SLC24A2: variants seen among roughly 807,000 people sequenced by gnomAD.
The protein encoded by SLC24A2 is solute carrier family 24 member 2, also known as sodium/potassium/calcium exchanger 2.
A neutral mutation model predicts 62.0 loss-of-function variants in SLC24A2; 36 were observed. That is an observed-to-expected ratio of 0.58 (90% CI 0.44 to 0.77). The LOEUF (loss-of-function observed/expected upper bound fraction) is 0.77. Ranked by LOEUF, SLC24A2 falls within the 30% of genes least tolerant of loss-of-function variation. The probability of loss-of-function intolerance (pLI) is 0.00; values close to 1 mark genes in which losing one functional copy is unlikely to be tolerated. For synonymous variants in SLC24A2, 358 were observed against 294.0 expected (o/e 1.22, Z -2.23); for missense variants, 846 against 817.9 (o/e 1.03, Z -0.42).
At chr9:20,003,212 G>A in the SLC24A2 span, among the ~76,000 whole-genome samples, 3 of 152,106 alleles carry the variant, frequency 2.0e-5, no homozygotes, top group East Asian at 1.9e-4. Context: ...ACTTGAACAC[G>A]TAACACACTT....
At chr9:20,212,855 A>G in the SLC24A2 span, among the ~76,000 whole-genome samples, 2 of 151,930 alleles carry the variant, frequency 1.3e-5, no homozygotes, top group Admixed American at 6.5e-5. Flanking sequence ...CAAAAAACAG[A>G]AATTTTATCA....
At chr9:19,748,473 T>G (rs774370826) in intron 2 of SLC24A2, among the ~76,000 whole-genome samples, 1 of 152,142 alleles carries the variant, frequency 6.6e-6, no homozygotes, top group Non-Finnish European at 1.5e-5. Flanking sequence ...TGAGTCACCA[T>G]TGTGAGCACG....
the SLC24A2 span, among the ~76,000 whole-genome samples, chr9:20,061,960 G>C: frequency 6.6e-6 from 1 of 152,196 alleles, no homozygotes; most frequent in African/African-American, 2.4e-5. Context: ...TCTAGCCTGA[G>C]CATGCTGGCT....
chr9:19,860,872 G>C, the SLC24A2 span, among the ~76,000 whole-genome samples: 1 of 152,200 alleles, frequency 6.6e-6, no homozygotes. Flanking sequence ...GGAAAGGGGA[G>C]AGAAGAGTGG....
the SLC24A2 span, among the ~76,000 whole-genome samples, chr9:20,201,036 T>G: frequency 6.6e-6 from 1 of 152,208 alleles, no homozygotes; most frequent in Admixed American, 6.5e-5. Context: ...GAGTCCAGTT[T>G]GCATCTCCCA....
At chr9:20,065,227 TC>T in the SLC24A2 span, among the ~76,000 whole-genome samples, 1 of 152,198 alleles carries the variant, frequency 6.6e-6, no homozygotes, top group Admixed American at 6.5e-5. Flanking sequence ...TGGCCCCACT[TC>T]CTCTCTGCGT....
At chr9:19,554,542 A>G (rs1295175209) in intron 7 of SLC24A2, among the ~76,000 whole-genome samples, 1 of 152,210 alleles carries the variant, frequency 6.6e-6, no homozygotes, top group African/African-American at 2.4e-5. Context: ...TTATGCTTTA[A>G]CAAATGGAAA....
chr9:19,691,602 G>A (rs149802641), intron 2 of SLC24A2, among the ~76,000 whole-genome samples: 115 of 152,092 alleles, frequency 7.6e-4, no homozygotes, highest in African/African-American at 1.3e-3. Context: ...TCACTTCCTC[G>A]TTGCTTCTAA....
the SLC24A2 span, among the ~76,000 whole-genome samples, chr9:20,040,532 A>AC: frequency 6.6e-6 from 1 of 152,072 alleles, no homozygotes; most frequent in Admixed American, 6.6e-5. Context: ...TTTCTTTTCA[A>AC]CCCCCACCAA....
chr9:20,279,751 A>G, the SLC24A2 span, among the ~76,000 whole-genome samples: 1 of 152,182 alleles, frequency 6.6e-6, no homozygotes, highest in Admixed American at 6.5e-5. Context: ...AAGGGGTAGA[A>G]AAATTTTTCC....
intron 8 of SLC24A2, among the ~76,000 whole-genome samples, chr9:19,529,742 G>C (rs1043422272): frequency 3.4e-5 from 5 of 148,708 alleles, no homozygotes; most frequent in African/African-American, 1.2e-4. Context: ...AGTGGAGTTG[G>C]AGACCTTCGT....
At position 19,671,912 on chromosome 9, in the gene SLC24A2, T is replaced by C. The variant is rs1378876635; in HGVS notation, c.931-49613A>G. On this transcript the variant is annotated intron_variant, in intron 2 of 10. Coordinates refer to ENST00000341998, the MANE Select transcript of SLC24A2 (RefSeq NM_020344.4). The stretch of plus-strand genomic sequence containing the variant: ...CATCCCTGGTATGAAACCCAATTGA[T>C]TATGGTGGATTTTTTTTTGATATGC... Among the ~76,000 whole-genome samples, 2 of 146,458 alleles carry C rather than the reference T, an allele frequency of 1.4e-5. 1 individual carries two copies. The highest frequency in any genetic ancestry group is 5.4e-5 in the African/African-American group (2 of 37,144).
chr9:20,280,731 A>G, the SLC24A2 span, among the ~76,000 whole-genome samples: 225 of 152,356 alleles, frequency 1.5e-3, no homozygotes, highest in African/African-American at 5.3e-3. Flanking sequence ...TTTAGAAGAC[A>G]TAATTAGGTG....
At chr9:20,280,316 T>TA in the SLC24A2 span, among the ~76,000 whole-genome samples, 1 of 152,296 alleles carries the variant, frequency 6.6e-6, no homozygotes, top group East Asian at 1.9e-4. Flanking sequence ...TACCCCTTGT[T>TA]AGTCATTGGC....
At chr9:20,235,212 C>G in the SLC24A2 span, among the ~76,000 whole-genome samples, 1 of 152,216 alleles carries the variant, frequency 6.6e-6, no homozygotes, top group Non-Finnish European at 1.5e-5. Context: ...GTTCTCAGAT[C>G]TCCAGCTGCG....
the SLC24A2 span, among the ~76,000 whole-genome samples, chr9:20,033,230 A>G: frequency 2.0e-5 from 3 of 152,132 alleles, no homozygotes; most frequent in African/African-American, 7.2e-5. Context: ...GTAATAGTGA[A>G]AGAATAACAG....
chr9:20,237,753 G>T, the SLC24A2 span, among the ~76,000 whole-genome samples: 1 of 152,040 alleles, frequency 6.6e-6, no homozygotes, highest in African/African-American at 2.4e-5. Flanking sequence ...GGATAATTCA[G>T]GCCTCTGTTG....
the SLC24A2 span, among the ~76,000 whole-genome samples, chr9:20,182,992 T>C: frequency 6.6e-6 from 1 of 152,198 alleles, no homozygotes; most frequent in African/African-American, 2.4e-5. Context: ...AATAGTTCAG[T>C]CCTCTCTGCA....
At chr9:19,565,276 A>G (rs1835600446) in intron 7 of SLC24A2, among the ~76,000 whole-genome samples, 1 of 150,832 alleles carries the variant, frequency 6.6e-6, no homozygotes, top group Non-Finnish European at 1.5e-5. Flanking sequence ...GTCTCAGGAT[A>G]CAAAATCAAT....
Sources: gnomAD v4.1 joint callset for allele counts (sites outside exome capture counted in the v4.1 genomes callset) on GRCh38, gnomAD v4.1.1 for gene constraint, MANE v1.5 for transcripts, NCBI Gene and HGNC (gene_info 2026-07-23, HGNC 2026-07-21) for gene names.